The following SLC44A5 variants were observed in gnomAD, a reference collection of about 807,000 sequenced individuals.
The protein encoded by SLC44A5 is choline transporter-like protein 5.
A neutral mutation model predicts 101.8 loss-of-function variants in SLC44A5; 57 were observed. The ratio of observed to expected loss-of-function variants is 0.56; its 90% CI spans 0.45 to 0.70. The LOEUF is 0.70. Among genes scored for constraint, SLC44A5 ranks in the 30% least tolerant of loss-of-function variants. The pLI is 0.00. For missense variants in SLC44A5, 737 were observed against 853.1 expected, an observed-to-expected ratio of 0.86 and a Z score of 1.70; for synonymous variants, 281 against 290.9, an observed-to-expected ratio of 0.97 and a Z score of 0.35.
At chr1:75,322,798 T>C (rs1209385563) in intron 4 of SLC44A5, among the ~76,000 whole-genome samples, 1 of 152,170 alleles carries the variant, frequency 6.6e-6, no homozygotes, top group East Asian at 1.9e-4. Flanking sequence ...GAGAAAGAAC[T>C]CTACACTCAT....
chr1:75,393,949 T>C (rs923853300), intron 3 of SLC44A5, among the ~76,000 whole-genome samples: 1 of 152,094 alleles, frequency 6.6e-6, no homozygotes, highest in African/African-American at 2.4e-5. Context: ...GTCAAATAAA[T>C]AAGTCCAGGG....
intron 1 of SLC44A5, among the ~76,000 whole-genome samples, chr1:75,607,173 C>T (rs1278513435): frequency 6.6e-6 from 1 of 152,090 alleles, no homozygotes; most frequent in Non-Finnish European, 1.5e-5. Flanking sequence ...TCCCCATAAA[C>T]TTGCCCCTTC....
chr1:75,328,039 G>A (rs1403610610), intron 4 of SLC44A5, among the ~76,000 whole-genome samples: 2 of 152,226 alleles, frequency 1.3e-5, no homozygotes, highest in African/African-American at 4.8e-5. Context: ...CTGGTTACAT[G>A]GTAGGTGGTG....
At chr1:75,357,628 G>A (rs886086669) in intron 3 of SLC44A5, among the ~76,000 whole-genome samples, 1 of 152,130 alleles carries the variant, frequency 6.6e-6, no homozygotes, top group African/African-American at 2.4e-5. Context: ...ATGTAAGGAG[G>A]TGGTCTGCAA....
At chr1:75,375,785 C>T (rs141397296) in intron 3 of SLC44A5, among the ~76,000 whole-genome samples, 2 of 152,144 alleles carry the variant, frequency 1.3e-5, no homozygotes, top group Non-Finnish European at 1.5e-5. Flanking sequence ...CAATTTTTCC[C>T]GAACAAGCAA....
At chr1:75,334,927 C>T (rs1657324264) in intron 4 of SLC44A5, among the ~76,000 whole-genome samples, 2 of 152,062 alleles carry the variant, frequency 1.3e-5, no homozygotes. Flanking sequence ...CTTATAATAC[C>T]ACGTTGTAGT....
At chr1:75,555,910 T>A (rs1464356137) in intron 1 of SLC44A5, among the ~76,000 whole-genome samples, 1 of 152,076 alleles carries the variant, frequency 6.6e-6, no homozygotes, top group Non-Finnish European at 1.5e-5. Flanking sequence ...TGCAACAACA[T>A]AGATGAATCT....
At chr1:75,484,968 C>A (rs1668075698) in intron 2 of SLC44A5, among the ~76,000 whole-genome samples, 1 of 152,246 alleles carries the variant, frequency 6.6e-6, no homozygotes, top group South Asian at 2.1e-4. Flanking sequence ...AGCAGCAAGG[C>A]CATGGGCCTG....
intron 2 of SLC44A5, among the ~76,000 whole-genome samples, chr1:75,482,797 G>A (rs959410892): frequency 2.0e-5 from 3 of 152,086 alleles, no homozygotes; most frequent in African/African-American, 7.2e-5. Context: ...GTTTTAAAAA[G>A]TAAAGATAAG....
intron 5 of SLC44A5, among the ~76,000 whole-genome samples, chr1:75,289,629 A>G (rs201339243): frequency 1.4e-4 from 22 of 152,334 alleles, no homozygotes; most frequent in East Asian, 5.8e-4. Context: ...TGTTAAAGAA[A>G]CACATACATG....
chr1:75,719,503 G>C, the SLC44A5 span, among the ~76,000 whole-genome samples: 3 of 152,070 alleles, frequency 2.0e-5, no homozygotes, highest in Non-Finnish European at 4.4e-5. Flanking sequence ...CCTGACCACT[G>C]CTTTTGAGTT....
At chr1:75,475,512 C>G (rs1433164517) in intron 2 of SLC44A5, among the ~76,000 whole-genome samples, 2 of 152,174 alleles carry the variant, frequency 1.3e-5, no homozygotes, top group African/African-American at 2.4e-5. Flanking sequence ...AGCCAGAATT[C>G]CAAACCAACA....
intron 1 of SLC44A5, among the ~76,000 whole-genome samples, chr1:75,590,903 G>C (rs1259854213): frequency 6.6e-6 from 1 of 152,174 alleles, no homozygotes; most frequent in Non-Finnish European, 1.5e-5. Context: ...GAAGGAGACA[G>C]GCTTTGCCAC....
At chr1:75,500,046 A>G (rs1201765168) in intron 2 of SLC44A5, among the ~76,000 whole-genome samples, 1 of 152,204 alleles carries the variant, frequency 6.6e-6, no homozygotes, top group African/African-American at 2.4e-5. Flanking sequence ...TGGCATACCA[A>G]TGAAGGCCAA....
the SLC44A5 span, among the ~76,000 whole-genome samples, chr1:75,705,451 C>G: frequency 2.6e-5 from 4 of 152,134 alleles, no homozygotes; most frequent in Admixed American, 1.3e-4. Context: ...ATAGTTTATT[C>G]AGGTTTACAC....
chr1:75,718,188 C>T, the SLC44A5 span, among the ~76,000 whole-genome samples: 1 of 152,192 alleles, frequency 6.6e-6, no homozygotes, highest in Non-Finnish European at 1.5e-5. Flanking sequence ...CTACTTAGTA[C>T]TGCAAACTAG....
At chr1:75,721,548 G>A in the SLC44A5 span, among the ~76,000 whole-genome samples, 4 of 152,130 alleles carry the variant, frequency 2.6e-5, no homozygotes, top group Non-Finnish European at 5.9e-5. Flanking sequence ...CACCAATAGT[G>A]GGACAAATCT....
At chr1:75,225,601 A>G (rs752292493) in intron 13 of SLC44A5, among the ~76,000 whole-genome samples, 1 of 152,196 alleles carries the variant, frequency 6.6e-6, no homozygotes, top group Non-Finnish European at 1.5e-5. Context: ...ATCTCCGAAC[A>G]CAAAATAGAA....
intron 1 of SLC44A5, among the ~76,000 whole-genome samples, chr1:75,589,090 C>T (rs1674193147): frequency 6.6e-6 from 1 of 152,038 alleles, no homozygotes; most frequent in Admixed American, 6.6e-5. Flanking sequence ...TCACGCGCAC[C>T]CTCTCTCTTT....
Sources: gnomAD v4.1 joint callset for allele counts (sites outside exome capture counted in the v4.1 genomes callset) on GRCh38, gnomAD v4.1.1 for gene constraint, MANE v1.5 for transcripts, NCBI Gene and HGNC (gene_info 2026-07-23, HGNC 2026-07-21) for gene names.